The following ZFHX3 variants were observed in gnomAD, a reference collection of about 807,000 sequenced individuals.
ZFHX3 encodes the protein zinc finger homeobox protein 3.
ZFHX3 carries 42 observed loss-of-function variants against 279.1 expected under a neutral mutation model. The observed-to-expected ratio is 0.15, with a 90% confidence interval of 0.12 to 0.19. The LOEUF (loss-of-function observed/expected upper bound fraction) is 0.19, where lower values mean the gene tolerates loss of function less well. ZFHX3 is among the 10% of genes least tolerant of loss of function. The pLI is 1.00. For synonymous variants in ZFHX3, 2,293 were observed against 1,957.8 expected (o/e 1.17, Z -4.52); for missense variants, 4,981 against 4,754.0 (o/e 1.05, Z -1.40).
chr16:73,502,067 A>G (rs901334225), intron 2 of ZFHX3, among the ~76,000 whole-genome samples: 6 of 151,964 alleles, frequency 3.9e-5, no homozygotes, highest in African/African-American at 7.3e-5. Flanking sequence ...AACCCACTGG[A>G]AAGTGGTTAA....
At chr16:72,898,547 C>T (rs2038954027) in intron 3 of ZFHX3, among the ~76,000 whole-genome samples, 1 of 152,106 alleles carries the variant, frequency 6.6e-6, no homozygotes, top group Admixed American at 6.5e-5. Flanking sequence ...TAGGTTGTAC[C>T]TGCCTTGGCT....
At chr16:73,280,916 T>C (rs2143060961) in intron 4 of ZFHX3, among the ~76,000 whole-genome samples, 1 of 150,306 alleles carries the variant, frequency 6.7e-6, no homozygotes, top group Non-Finnish European at 1.5e-5. Context: ...ACCTGGGAGG[T>C]AGAGGTTGTG....
chr16:73,015,102 A>G (rs1449257316), intron 1 of ZFHX3: 1 of 133,084 alleles, frequency 7.5e-6, no homozygotes, highest in Admixed American at 8.6e-5. Flanking sequence ...GCTGGAGTGC[A>G]GTGGTGCAAT....
At chr16:73,510,328 G>A (rs2019407342) in intron 2 of ZFHX3, among the ~76,000 whole-genome samples, 1 of 152,118 alleles carries the variant, frequency 6.6e-6, no homozygotes, top group Non-Finnish European at 1.5e-5. Flanking sequence ...TACAGTGTTT[G>A]CCACTGTGTC....
intron 2 of ZFHX3, among the ~76,000 whole-genome samples, chr16:73,579,201 C>T (rs2051831923): frequency 6.6e-6 from 1 of 152,160 alleles, no homozygotes; most frequent in Admixed American, 6.5e-5. Context: ...CTGAGTCCAC[C>T]TATGACTTGG....
chr16:73,511,020 C>T (rs1006578609), intron 2 of ZFHX3, among the ~76,000 whole-genome samples: 2 of 152,214 alleles, frequency 1.3e-5, no homozygotes, highest in African/African-American at 4.8e-5. Context: ...TGCCTCATAC[C>T]TCTGGCTTTG....
intron 5 of ZFHX3, among the ~76,000 whole-genome samples, chr16:72,825,309 A>G (rs953779810): frequency 1.3e-5 from 2 of 152,244 alleles, no homozygotes; most frequent in African/African-American, 4.8e-5. Flanking sequence ...TCGTGTTACT[A>G]TGATCACTGT....
chr16:73,367,854 G>A (rs1039685581), intron 3 of ZFHX3, among the ~76,000 whole-genome samples: 5 of 148,046 alleles, frequency 3.4e-5, no homozygotes, highest in East Asian at 4.0e-4. Context: ...ATACATAGAG[G>A]ATTAAGGAAG....
intron 3 of ZFHX3, among the ~76,000 whole-genome samples, chr16:72,917,548 T>C (rs1334605410): frequency 6.6e-6 from 1 of 152,212 alleles, no homozygotes; most frequent in African/African-American, 2.4e-5. Flanking sequence ...CACGGGGTGT[T>C]TGGTGCAGCT....
intron 1 of ZFHX3, among the ~76,000 whole-genome samples, chr16:73,864,989 G>A (rs997902987): frequency 5.9e-5 from 9 of 152,184 alleles, no homozygotes; most frequent in Admixed American, 5.9e-4. Context: ...TTGTTCTTAA[G>A]GGACTTTGCA....
chr16:72,809,364 C>T (rs1382150759), intron 7 of ZFHX3: 1 of 152,138 alleles, frequency 6.6e-6, no homozygotes, highest in African/African-American at 2.4e-5. Context: ...TGGTTCTAGG[C>T]CATCAGATGG....
intron 2 of ZFHX3, among the ~76,000 whole-genome samples, chr16:73,462,501 C>T (rs952931533): frequency 2.0e-5 from 3 of 152,036 alleles, no homozygotes; most frequent in Admixed American, 6.6e-5. Context: ...CTGGTTATAG[C>T]GGAAAAGTGT....
intron 2 of ZFHX3, among the ~76,000 whole-genome samples, chr16:73,579,483 T>C (rs976450085): frequency 6.6e-6 from 1 of 151,836 alleles, no homozygotes; most frequent in African/African-American, 2.4e-5. Context: ...GTGTATAATA[T>C]ATAAATTACT....
At chr16:72,934,465 A>G (rs4788680) in intron 3 of ZFHX3, among the ~76,000 whole-genome samples, 45,970 of 151,992 alleles carry the variant, frequency 0.3, 7,319 homozygotes, top group African/African-American at 0.36. Context: ...GTATGTGAGA[A>G]GAAGTTCCAG....
chr16:72,965,855 C>A (rs1054015555), intron 1 of ZFHX3, among the ~76,000 whole-genome samples: 1 of 152,096 alleles, frequency 6.6e-6, no homozygotes, highest in African/African-American at 2.4e-5. Flanking sequence ...GTGGGATGAT[C>A]CTGAGGAATT....
At chr16:73,278,580 T>C (rs1220268925) in intron 4 of ZFHX3, among the ~76,000 whole-genome samples, 1 of 152,074 alleles carries the variant, frequency 6.6e-6, no homozygotes, top group Non-Finnish European at 1.5e-5. Context: ...CCTGAGCGAG[T>C]AGGAGGTGCT....
intron 3 of ZFHX3, among the ~76,000 whole-genome samples, chr16:73,331,123 A>G (rs4888686): frequency 0.12 from 17,551 of 151,704 alleles, 1,377 homozygotes; most frequent in Middle Eastern, 0.21. Flanking sequence ...GTGGAAGGGG[A>G]AGCAAACACA....
chr16:73,391,091 T>C (rs977010444), intron 3 of ZFHX3, among the ~76,000 whole-genome samples: 12 of 152,134 alleles, frequency 7.9e-5, no homozygotes, highest in Admixed American at 1.3e-4. Flanking sequence ...TAGACTGACC[T>C]GAGCGTGGGA....
chr16:73,130,580 T>C (rs142320941), intron 7 of ZFHX3, among the ~76,000 whole-genome samples: 1 of 152,288 alleles, frequency 6.6e-6, no homozygotes, highest in East Asian at 1.9e-4. Context: ...GTGTGGAGTA[T>C]ATAGGGAAGA....
Sources: gnomAD v4.1 joint callset for allele counts (sites outside exome capture counted in the v4.1 genomes callset) on GRCh38, gnomAD v4.1.1 for gene constraint, MANE v1.5 for transcripts, NCBI Gene and HGNC (gene_info 2026-07-23, HGNC 2026-07-21) for gene names.